TFPI2: variants seen among roughly 807,000 people sequenced by gnomAD.
TFPI2 encodes the protein tissue factor pathway inhibitor 2, also known as placental protein 5.
TFPI2 carries 23 observed loss-of-function variants against 23.1 expected under a neutral mutation model. The observed-to-expected ratio is 1.00, with a 90% CI of 0.72 to 1.41. The LOEUF is 1.41. TFPI2 is among the 40% of genes most tolerant of loss of function. TFPI2 has a pLI of 0.00. For synonymous variants in TFPI2, 119 were observed against 111.7 expected, an observed-to-expected ratio of 1.07 and a Z score of -0.41; for missense variants, 291 against 299.6, an observed-to-expected ratio of 0.97 and a Z score of 0.21.
In TFPI2 at chr7:93,885,598, C is replaced by G. The variant is rs1272179298; in HGVS notation, c.*1222G>C. ...ATGTTTGTGTATATGTGTGTTTATT[C>G]ATACTGTTCTAGGCCCTGTGTTTCT... is the stretch of plus-strand genomic sequence containing the variant. On this transcript the variant is annotated 3_prime_UTR_variant, in exon 5 of 5. Transcript: ENST00000222543. The G allele has an allele frequency of 6.6e-6, 1 of 151,926 alleles. No homozygotes were observed. The highest frequency in any genetic ancestry group is 1.9e-4 in the East Asian group (1 of 5,196). 9.4% of individuals were successfully genotyped at this position (151,926 alleles called of 1,614,324 possible).
intron 3 of TFPI2, among the ~76,000 whole-genome samples, chr7:93,887,889 CAA>C (rs1307320238): frequency 2.0e-5 from 3 of 152,140 alleles, no homozygotes; most frequent in African/African-American, 4.8e-5. Flanking sequence ...TGTACACAAA[CAA>C]GAGAACATCC....
Position 93,886,834 on chromosome 7 carries a change from T to C in TFPI2, c.694A>G (p.Lys232Glu). The C allele has an allele frequency of 6.4e-7, 1 of 1,555,858 alleles. No individual in the cohort carries two copies. Among genetic ancestry groups the C allele is most frequent in the Non-Finnish European group, 8.6e-7 (1 of 1,162,756 alleles). ...ATTAAGAATGTTTAAAATTGCTTCT[T>C]CCGAATTTTCCGGATTCTACTGGCA... Reference protein sequence around the residue: ...RFASRIRKIRKKQF With the variant: ...RFASRIRKIREKQF Residue 232 changes from lysine to glutamate, a missense_variant, in exon 5 of 5, where the codon AAG becomes GAG. Physicochemically the swap from Lys to Glu is moderately conservative, Grantham distance 56. Transcript: ENST00000222543.
intron 3 of TFPI2, 44 bp downstream of exon 3, chr7:93,888,991 T>C: frequency 6.4e-7 from 1 of 1,551,306 alleles, no homozygotes; most frequent in Non-Finnish European, 8.7e-7. Context: ...CCCAAATGTC[T>C]TTTCAAAAAA....
At chr7:93,888,670 A>T (rs1794062181) in intron 3 of TFPI2, among the ~76,000 whole-genome samples, 1 of 151,582 alleles carries the variant, frequency 6.6e-6, no homozygotes, top group African/African-American at 2.4e-5. Flanking sequence ...AGAAGAAAAA[A>T]AAAAAAATTA....
rs746215278 is a variant in TFPI2, at chr7:93,890,209, C to A, written c.199G>T (p.Gly67Trp). Reference protein sequence around the residue: ...YTQSCRQFLYGGCEGNANNFY... With the variant: ...YTQSCRQFLYWGCEGNANNFY... ...TTGTTGGCGTTGCCCTCGCAGCCCCCGTACAGGAACTGGCGGCAGCTCTGC... is the reference window on the plus strand; with the variant it reads ...TTGTTGGCGTTGCCCTCGCAGCCCCAGTACAGGAACTGGCGGCAGCTCTGC... The change falls in exon 2 of 5, where the codon GGG (glycine) becomes TGG (tryptophan). Residue 67 changes from glycine to tryptophan, a missense_variant. Transcript: ENST00000222543. The A allele has an allele frequency of 1.5e-5, 25 of 1,613,728 alleles. No homozygotes were observed. Among genetic ancestry groups the A allele is most frequent in the Non-Finnish European group, 1.8e-5 (21 of 1,179,830 alleles).
At chr7:93,887,181 A>C in intron 4 of TFPI2, 80 bp downstream of exon 4, 1 of 1,382,778 alleles carries the variant, frequency 7.2e-7, no homozygotes, top group Non-Finnish European at 9.7e-7. Context: ...TATTAGTAAA[A>C]TGGATAAATA....
intron 3 of TFPI2, among the ~76,000 whole-genome samples, chr7:93,888,544 A>AAGGAAG (rs1794045155): frequency 3.8e-5 from 4 of 105,382 alleles, no homozygotes; most frequent in Non-Finnish European, 5.4e-5. Context: ...AAGGAAGGAA[A>AAGGAAG]GAAGGAAGGA....
intron 2 of TFPI2, among the ~76,000 whole-genome samples, chr7:93,889,682 A>C (rs1257405656): frequency 6.6e-6 from 1 of 152,212 alleles, no homozygotes. Flanking sequence ...TCGGGACAAA[A>C]GTAGAGTTAT....
chr7:93,890,725 G>A lies in TFPI2; in HGVS notation c.-47C>T, dbSNP rs80033823. On this transcript the variant is annotated 5_prime_UTR_variant, in exon 1 of 5. Coordinates refer to ENST00000222543, the MANE Select transcript of TFPI2 (RefSeq NM_006528.4). ...CGCTGGGCAAGGCGTCCGAGAAAGC[G>A]CCTGGCGGGAGGAGGTGCGCGGCTT... The A allele has an allele frequency of 1.3e-6, 2 of 1,561,042 alleles. No individual in the cohort carries two copies. The highest frequency in any genetic ancestry group is 1.1e-5 in the South Asian group (1 of 87,884).
intron 2 of TFPI2, 64 bp from the exon 3 acceptor site, chr7:93,889,287 G>T: frequency 1.4e-6 from 2 of 1,420,594 alleles, no homozygotes; most frequent in Non-Finnish European, 9.4e-7. Context: ...AACCATCACT[G>T]TATTTTCAGC....
intron 4 of TFPI2, 52 bp downstream of exon 4, chr7:93,887,209 A>G (rs1794010319): frequency 1.3e-6 from 2 of 1,509,874 alleles, no homozygotes; most frequent in Non-Finnish European, 1.8e-6. Flanking sequence ...AATTTTTCTG[A>G]TAAGTTATTT....
intron 2 of TFPI2, 57 bp downstream of exon 2, chr7:93,890,080 G>A (rs1794092637): frequency 6.7e-7 from 1 of 1,497,746 alleles, no homozygotes; most frequent in African/African-American, 1.4e-5. Context: ...TGGCGAAGCT[G>A]CTACCAGCCG....
Position 93,887,308 on chromosome 7 carries a change from T to C in TFPI2, c.584A>G (p.Asp195Gly). 5.0e-6 allele frequency: 8 copies of C among 1,613,292 alleles called. No individual in the cohort carries two copies. Among genetic ancestry groups the C allele is most frequent in the Non-Finnish European group, 6.8e-6 (8 of 1,179,588 alleles). Residue 195 changes from aspartate (D) to glycine (G), a missense_variant, in exon 4 of 5, where the codon GAC becomes GGC. Transcript: ENST00000222543. ...AFTYTGCGGN[D>G]NNFVSREDCK... is the part of the protein sequence containing the mutation. The stretch of plus-strand genomic sequence containing the variant: ...ATCCTCCCTGCTAACAAAGTTATTG[T>C]CATTCCCTCCACAGCCAGTATAGGT...
intron 2 of TFPI2, among the ~76,000 whole-genome samples, chr7:93,889,537 T>C (rs181164289): frequency 7.2e-5 from 11 of 152,282 alleles, no homozygotes; most frequent in Admixed American, 6.5e-4. Context: ...CCTGGCTCAG[T>C]TCCTTGAATG....
rs1368265129 is a variant in TFPI2, at chr7:93,889,138, G to A, written c.357C>T (p.Ser119=). The change falls in exon 3 of 5, where the codon TCC becomes TCT. Residue 119 remains serine (S), a synonymous_variant. Transcript: ENST00000222543. The part of the protein sequence containing the change: ...STEKYFFNLS[S]MTCEKFFSGG... ...CGGAAAAGAATTTTTCACATGTCAT[G>A]GAACTTAGATTAAAGAAATACTTTT... 6.2e-7 allele frequency: 1 copy of A among 1,613,380 alleles called. No homozygotes were observed. Among genetic ancestry groups the A allele is most frequent in the Non-Finnish European group, 8.5e-7 (1 of 1,179,788 alleles).
At chr7:93,888,821 C>T (rs1290465332) in intron 3 of TFPI2, among the ~76,000 whole-genome samples, 2 of 151,910 alleles carry the variant, frequency 1.3e-5, no homozygotes, top group African/African-American at 2.4e-5. Flanking sequence ...GGCGAGAGTC[C>T]GTCTCAAAAA....
chr7:93,889,640 G>A (rs57311175), intron 2 of TFPI2, among the ~76,000 whole-genome samples: 9,436 of 152,152 alleles, frequency 0.062, 477 homozygotes, highest in East Asian at 0.17. Context: ...TCTCCACCAT[G>A]TCCCGCAACT....
At position 93,889,183 on chromosome 7, in the gene TFPI2, G is replaced by A. The variant is rs1460793553; in HGVS notation, c.312C>T (p.Asp104=). 2 of 1,605,128 alleles carry A rather than the reference G, an allele frequency of 1.2e-6. No homozygotes were observed. Among genetic ancestry groups the A allele is most frequent in the South Asian group, 1.1e-5 (1 of 89,132 alleles). Residue 104 remains aspartate (D), a synonymous_variant, in exon 3 of 5, where the codon GAC becomes GAT. Coordinates refer to ENST00000222543, the MANE Select transcript of TFPI2 (RefSeq NM_006528.4). ...ACTTTTCTGTGGACCCCTCACACTG[G>A]TCGTCCACACTCACTTGCAGCCGGC... The part of the protein sequence containing the change: ...KVCRLQVSVD[D]QCEGSTEKYF...
Position 93,890,714 on chromosome 7 carries a change from T to C in TFPI2, c.-36A>G. On this transcript the variant is annotated 5_prime_UTR_variant, in exon 1 of 5. Transcript: ENST00000222543. ...GTCGGGCGGCCCGCTGGGCAAGGCG[T>C]CCGAGAAAGCGCCTGGCGGGAGGAG... 2 of 1,581,902 alleles carry C rather than the reference T, an allele frequency of 1.3e-6. No individual in the cohort carries two copies. Among genetic ancestry groups the C allele is most frequent in the African/African-American group, 1.4e-5 (1 of 72,450 alleles).
Sources: gnomAD v4.1 joint callset for allele counts (sites outside exome capture counted in the v4.1 genomes callset) on GRCh38, gnomAD v4.1.1 for gene constraint, MANE v1.5 for transcripts, NCBI Gene and HGNC (gene_info 2026-07-23, HGNC 2026-07-21) for gene names.